The following MSH3 variants were observed in gnomAD, a reference collection of about 807,000 sequenced individuals.
MSH3 encodes the protein DNA mismatch repair protein Msh3.
MSH3 carries 106 observed loss-of-function variants against 123.3 expected under a neutral mutation model. The observed-to-expected ratio is 0.86, with a 90% CI of 0.73 to 1.01. The LOEUF (loss-of-function observed/expected upper bound fraction) is 1.01, where lower values mean the gene tolerates loss of function less well. MSH3 is among the 50% of genes least tolerant of loss of function. MSH3 has a pLI of 0.00. For missense variants in MSH3, 1,459 were observed against 1,347.6 expected (o/e 1.08, Z -1.29); for synonymous variants, 515 against 481.4 (o/e 1.07, Z -0.91).
chr5:80,732,593 A>G (rs1347816427), intron 10 of MSH3, among the ~76,000 whole-genome samples: 1 of 152,166 alleles, frequency 6.6e-6, no homozygotes, highest in East Asian at 1.9e-4. Context: ...AATATATTAC[A>G]GGAAAAGAAA....
At chr5:80,665,924 G>A (rs150082535) in intron 3 of MSH3, among the ~76,000 whole-genome samples, 17 of 152,212 alleles carry the variant, frequency 1.1e-4, no homozygotes, top group African/African-American at 3.9e-4. Flanking sequence ...TGATTGGTTC[G>A]CAACCTTAGC....
chr5:80,869,721 A>ATT (rs918688004), intron 22 of MSH3, among the ~76,000 whole-genome samples: 4 of 148,336 alleles, frequency 2.7e-5, no homozygotes, highest in Non-Finnish European at 4.5e-5. Flanking sequence ...TATATTATAC[A>ATT]TTATATATAT....
At chr5:80,824,622 A>G (rs1405383521) in intron 20 of MSH3, among the ~76,000 whole-genome samples, 1 of 152,250 alleles carries the variant, frequency 6.6e-6, no homozygotes, top group Non-Finnish European at 1.5e-5. Context: ...TATGAAATGT[A>G]ACAGGTGTAC....
chr5:80,862,956 C>T (rs1404712371), intron 21 of MSH3, among the ~76,000 whole-genome samples: 2 of 152,098 alleles, frequency 1.3e-5, no homozygotes, highest in African/African-American at 4.8e-5. Context: ...GATTATAAAA[C>T]CTTTGGATGA....
rs538332311 is a variant in MSH3 at position 80,767,980 on chromosome 5, A to G, written c.1944A>G (p.Leu648=). The G allele has an allele frequency of 1.5e-5, 25 of 1,613,390 alleles. No homozygotes were observed. In the South Asian group the frequency reaches 2.1e-4, roughly 13 times the overall value. The change falls in exon 14 of 24, where the codon CTA becomes CTG. Residue 648 remains leucine (L), a synonymous_variant. Coordinates refer to ENST00000265081, the MANE Select transcript of MSH3 (RefSeq NM_002439.5). ...FFLIVKTLYH[L]KSEFQAIIPA... ...TGATTGTCAAAACTTTATATCACCT[A>G]AAGTCAGAATTTCAAGCAATAATAC...
At chr5:80,725,596 G>T in intron 9 of MSH3, 31 bp downstream of exon 9, 2 of 1,430,650 alleles carry the variant, frequency 1.4e-6, no homozygotes, top group South Asian at 2.3e-5. Flanking sequence ...TCCTCAAGTT[G>T]AACTGATTTG....
intron 21 of MSH3, among the ~76,000 whole-genome samples, chr5:80,856,025 C>T (rs1027207941): frequency 6.6e-6 from 1 of 151,984 alleles, no homozygotes; most frequent in Non-Finnish European, 1.5e-5. Context: ...GCTGGGACTA[C>T]AGGCACACAC....
intron 20 of MSH3, among the ~76,000 whole-genome samples, chr5:80,822,389 A>G (rs1384581249): frequency 3.9e-5 from 6 of 152,256 alleles, no homozygotes; most frequent in African/African-American, 1.4e-4. Context: ...TAAATAAAGT[A>G]CATGAAAATG....
chr5:80,869,576 T>C (rs1262384822), intron 22 of MSH3, among the ~76,000 whole-genome samples: 1 of 152,014 alleles, frequency 6.6e-6, no homozygotes, highest in Non-Finnish European at 1.5e-5. Context: ...TTGCGTTCTT[T>C]ACCTTGAAGA....
chr5:80,753,826 A>G (rs1056594490), intron 12 of MSH3, among the ~76,000 whole-genome samples: 1 of 152,168 alleles, frequency 6.6e-6, no homozygotes, highest in Non-Finnish European at 1.5e-5. Context: ...GAGAACTGAT[A>G]TTCAGCAGTG....
At position 80,762,820 on chromosome 5, in the gene MSH3, G is replaced by GTTATT. The variant is rs1561469620; in HGVS notation, c.1896+1146_1896+1147insTTTAT. On this transcript the variant is annotated intron_variant, in intron 13 of 23. Coordinates refer to ENST00000265081, the MANE Select transcript of MSH3 (RefSeq NM_002439.5). ...GTTATGTTATGTTATGTTATGTTATGTTATGTTATGTTATTTTATGTTATT... is the reference window on the plus strand; with the variant it reads ...GTTATGTTATGTTATGTTATGTTATGTTATTTTATGTTATGTTATTTTATGTTATT... Among the ~76,000 whole-genome samples, 72 of 147,938 alleles carry GTTATT rather than the reference G, an allele frequency of 4.9e-4. No homozygotes were observed. The East Asian group carries it at 9.3e-3, about 19-fold the overall frequency.
rs181209980 is a variant in MSH3 at position 80,780,775 on chromosome 5, C to T, written c.2435+1939C>T. Among the ~76,000 whole-genome samples, 98 of 152,202 alleles carry T rather than the reference C, an allele frequency of 6.4e-4. 1 individual carries two copies. In the Middle Eastern group the frequency reaches 0.01, roughly 16 times the overall value. Reference sequence around the variant, plus strand: ...CCACGTAACTCAGTAAGCTAATGCACGAGAATCACTTGAACCGGGGAGGCG... The same window carrying T: ...CCACGTAACTCAGTAAGCTAATGCATGAGAATCACTTGAACCGGGGAGGCG... On this transcript the variant is annotated intron_variant, in intron 17 of 23. Transcript: ENST00000265081.
intron 9 of MSH3, among the ~76,000 whole-genome samples, chr5:80,727,946 C>T (rs1036345808): frequency 2.6e-5 from 4 of 151,944 alleles, no homozygotes; most frequent in African/African-American, 9.7e-5. Flanking sequence ...TATGAAGGAA[C>T]AGTATTTCAA....
intron 8 of MSH3, among the ~76,000 whole-genome samples, chr5:80,714,057 T>C (rs1292096596): frequency 6.6e-6 from 1 of 151,392 alleles, no homozygotes; most frequent in Non-Finnish European, 1.5e-5. Flanking sequence ...AAGGTTAAAG[T>C]AGAAATTTTC....
intron 20 of MSH3, among the ~76,000 whole-genome samples, chr5:80,837,713 A>G (rs1745541916): frequency 6.6e-6 from 1 of 152,232 alleles, no homozygotes; most frequent in Non-Finnish European, 1.5e-5. Flanking sequence ...TGTGTAACCA[A>G]CTATCACAAA....
chr5:80,770,269 CA>C (rs1471354586), intron 15 of MSH3, among the ~76,000 whole-genome samples: 3 of 132,302 alleles, frequency 2.3e-5, no homozygotes, highest in Non-Finnish European at 3.3e-5. Flanking sequence ...TTTTCTACTA[CA>C]TTTTTTTTTT....
chr5:80,787,455 G>A, intron 17 of MSH3, 110 bp from the exon 18 acceptor site: 1 of 781,242 alleles, frequency 1.3e-6, no homozygotes, highest in Non-Finnish European at 2.3e-6. Context: ...AATGCCTGCT[G>A]ATCATCTGTA....
At chr5:80,867,375 T>A (rs527266389) in intron 22 of MSH3, among the ~76,000 whole-genome samples, 56 of 152,354 alleles carry the variant, frequency 3.7e-4, no homozygotes, top group Admixed American at 2.7e-3. Flanking sequence ...GTTCACTCTT[T>A]CTTAGAACAA....
chr5:80,717,818 T>G (rs1750995406), intron 8 of MSH3, among the ~76,000 whole-genome samples: 1 of 152,198 alleles, frequency 6.6e-6, no homozygotes, highest in East Asian at 1.9e-4. Flanking sequence ...CATTTTTAAA[T>G]TTGGTTATTT....
Sources: gnomAD v4.1 joint callset for allele counts (sites outside exome capture counted in the v4.1 genomes callset) on GRCh38, gnomAD v4.1.1 for gene constraint, MANE v1.5 for transcripts, NCBI Gene and HGNC (gene_info 2026-07-23, HGNC 2026-07-21) for gene names.